Variants in GRIK4 observed in about 807,000 individuals in gnomAD.
The protein encoded by GRIK4 is glutamate ionotropic receptor kainate type subunit 4.
GRIK4 carries 40 observed loss-of-function variants against 104.9 expected under a neutral mutation model. That is an observed-to-expected ratio of 0.38 (90% confidence interval 0.30 to 0.50). The LOEUF (loss-of-function observed/expected upper bound fraction) is 0.50. Ranked by LOEUF, GRIK4 falls within the 20% of genes least tolerant of loss-of-function variation. The pLI, the probability that GRIK4 is intolerant of heterozygous loss-of-function variation, is 0.93. For synonymous variants in GRIK4, 485 were observed against 524.9 expected, an observed-to-expected ratio of 0.92 and a Z score of 1.04; for missense variants, 1,047 against 1,308.1, an observed-to-expected ratio of 0.80 and a Z score of 3.08.
intron 3 of GRIK4, among the ~76,000 whole-genome samples, chr11:120,728,205 A>G (rs952423254): frequency 1.2e-4 from 18 of 152,180 alleles, no homozygotes; most frequent in African/African-American, 4.1e-4. Context: ...AAAGAAAATG[A>G]CATTGTCATT....
intron 11 of GRIK4, among the ~76,000 whole-genome samples, chr11:120,894,090 A>T (rs920823634): frequency 3.3e-5 from 5 of 152,174 alleles, no homozygotes; most frequent in African/African-American, 1.2e-4. Context: ...CACCGTCCTA[A>T]TCTGCCTAAT....
intron 19 of GRIK4, among the ~76,000 whole-genome samples, chr11:120,971,159 A>G (rs1007330292): frequency 2.0e-5 from 3 of 152,210 alleles, no homozygotes; most frequent in Non-Finnish European, 4.4e-5. Context: ...CAAGCTGCGA[A>G]TGTGCCCATT....
intron 3 of GRIK4, among the ~76,000 whole-genome samples, chr11:120,760,554 G>T (rs1365775692): frequency 1.3e-5 from 2 of 151,704 alleles, no homozygotes; most frequent in Non-Finnish European, 2.9e-5. Context: ...CCATCAACCC[G>T]TCATCTACAT....
chr11:120,766,216 C>T (rs1173325919), intron 3 of GRIK4, among the ~76,000 whole-genome samples: 1 of 152,228 alleles, frequency 6.6e-6, no homozygotes, highest in Non-Finnish European at 1.5e-5. Flanking sequence ...GTGTGCTCCA[C>T]CCAGTCCAAA....
At chr11:120,957,077 G>A (rs1213264965) in intron 16 of GRIK4, 124 bp downstream of exon 16, 6 of 792,282 alleles carry the variant, frequency 7.6e-6, no homozygotes, top group Admixed American at 3.0e-5. Context: ...ACCCACGCAG[G>A]AAGCCGAGTG....
In GRIK4 at chr11:120,644,044, TGA is replaced by T. The variant is rs944483963; in HGVS notation, c.-158-9627_-158-9626del. Among the ~76,000 whole-genome samples, 108 of 112,702 alleles carry T rather than the reference TGA, an allele frequency of 9.6e-4. 1 individual carries two copies. The East Asian group carries it at 0.021, about 22-fold the overall frequency. The allele number at this position is 112,702 out of a possible 152,430, so 73.9% of individuals were successfully genotyped here. On this transcript the variant is annotated intron_variant, in intron 1 of 20. Coordinates refer to ENST00000527524, the MANE Select transcript of GRIK4 (RefSeq NM_014619.5). ...GTGTGTGTGTGTGTGTGTGTGTGTG[TGA>T]GAGAGAGAGAGAGGAGAGAGAGAGA...
At chr11:120,790,049 A>G (rs1367984154) in intron 3 of GRIK4, among the ~76,000 whole-genome samples, 1 of 152,136 alleles carries the variant, frequency 6.6e-6, no homozygotes, top group Non-Finnish European at 1.5e-5. Context: ...AAATGACCTC[A>G]TCTTAGTCAC....
chr11:120,811,495 A>G (rs2135527034), intron 4 of GRIK4, among the ~76,000 whole-genome samples: 1 of 152,314 alleles, frequency 6.6e-6, no homozygotes, highest in African/African-American at 2.4e-5. Flanking sequence ...AATGAGAATG[A>G]CAGTAATAGT....
chr11:120,659,980 CT>C (rs1384556284), intron 2 of GRIK4, among the ~76,000 whole-genome samples: 1 of 152,218 alleles, frequency 6.6e-6, no homozygotes, highest in African/African-American at 2.4e-5. Flanking sequence ...GATCCACCCA[CT>C]TTGGCTTCCC....
chr11:120,766,342 G>C (rs560566025), intron 3 of GRIK4, among the ~76,000 whole-genome samples: 42 of 152,354 alleles, frequency 2.8e-4, no homozygotes, highest in African/African-American at 8.7e-4. Context: ...TCAGACTGCT[G>C]TGCTGGCAGC....
intron 3 of GRIK4, among the ~76,000 whole-genome samples, chr11:120,682,129 CAG>C (rs1436501242): frequency 1.3e-5 from 2 of 152,178 alleles, no homozygotes; most frequent in African/African-American, 4.8e-5. Flanking sequence ...GAGACAGTGA[CAG>C]GGGCAGTGAT....
At position 120,967,925 on chromosome 11, in the gene GRIK4, A is replaced by G. The variant is rs1944411992; in HGVS notation, c.2395+602A>G. Among the ~76,000 whole-genome samples the G allele has an allele frequency of 1.4e-5, 2 of 147,484 alleles. No homozygotes were observed. The highest frequency in any genetic ancestry group is 5.0e-5 in the African/African-American group (2 of 39,770). ...TTCCCTCGAAGAGCTCTTCACTCCC[A>G]CCCTACACATTTCTCTCCATCACCT... On this transcript the variant is annotated intron_variant, in intron 19 of 20. Transcript: ENST00000527524. The surrounding 1 kb of genome is among the most constrained non-coding windows in gnomAD (Gnocchi z 4.2).
chr11:120,864,588 A>C (rs1954355743), intron 9 of GRIK4, among the ~76,000 whole-genome samples: 1 of 152,194 alleles, frequency 6.6e-6, no homozygotes. Flanking sequence ...AATATCAAGA[A>C]AGGAGAAAAA....
intron 10 of GRIK4, among the ~76,000 whole-genome samples, chr11:120,874,792 G>A (rs1954731403): frequency 6.6e-6 from 1 of 152,204 alleles, no homozygotes; most frequent in Non-Finnish European, 1.5e-5. Flanking sequence ...GGGTGGGTGA[G>A]TGCCTGCCCG....
intron 3 of GRIK4, among the ~76,000 whole-genome samples, chr11:120,701,001 G>T (rs1950543334): frequency 6.6e-6 from 1 of 152,198 alleles, no homozygotes; most frequent in Non-Finnish European, 1.5e-5. Context: ...GTTACATGCT[G>T]TGTAGGCTTG....
At chr11:120,615,275 C>T (rs549093205) in intron 1 of GRIK4, among the ~76,000 whole-genome samples, 1 of 152,324 alleles carries the variant, frequency 6.6e-6, no homozygotes, top group East Asian at 1.9e-4. Context: ...TGGCTGCGCT[C>T]ACCATCTGAG....
At chr11:120,818,698 G>A (rs1228236221) in intron 5 of GRIK4, among the ~76,000 whole-genome samples, 2 of 152,134 alleles carry the variant, frequency 1.3e-5, no homozygotes, top group Non-Finnish European at 2.9e-5. Context: ...CAACATCTTC[G>A]CAGACTCTTG....
chr11:120,553,584 G>A (rs1948159638), intron 1 of GRIK4, among the ~76,000 whole-genome samples: 1 of 152,246 alleles, frequency 6.6e-6, no homozygotes, highest in South Asian at 2.1e-4. Flanking sequence ...CATTTTCCAA[G>A]AGGCTGTAGG....
chr11:120,682,159 A>C (rs1280182635), intron 3 of GRIK4, among the ~76,000 whole-genome samples: 1 of 152,216 alleles, frequency 6.6e-6, no homozygotes, highest in Non-Finnish European at 1.5e-5. Context: ...CTTTGGCTGG[A>C]ATCGTCAGAA....
Sources: allele counts gnomAD v4.1 joint callset (sites outside exome capture counted in the v4.1 genomes callset), GRCh38; gene constraint gnomAD v4.1.1; non-coding constraint Gnocchi (gnomAD v3.1); transcripts MANE v1.5; gene names NCBI Gene and HGNC (gene_info 2026-07-23, HGNC 2026-07-21).